The following RTL4 variants were observed in gnomAD, a reference collection of about 807,000 sequenced individuals.
The protein encoded by RTL4 is retrotransposon Gag-like protein 4.
A neutral mutation model predicts 5.3 loss-of-function variants in RTL4; 4 were observed. The observed-to-expected ratio is 0.75, with a 90% CI of 0.37 to 1.72. RTL4 has a LOEUF of 1.72. RTL4 is among the 40% of genes most tolerant of loss of function. The probability of loss-of-function intolerance (pLI) is 0.04; values close to 1 mark genes in which losing one functional copy is unlikely to be tolerated. For synonymous variants in RTL4, 98 were observed against 87.3 expected (o/e 1.12, Z -0.68); for missense variants, 260 against 227.1 (o/e 1.14, Z -0.93).
chrX:112,393,666 A>G, the RTL4 span, among the ~76,000 whole-genome samples: 11 of 112,190 alleles, frequency 9.8e-5, no homozygotes, highest in African/African-American at 3.6e-4. Context: ...AAAGCCTTAA[A>G]GCTGGAATGG....
the RTL4 span, among the ~76,000 whole-genome samples, chrX:112,184,850 A>G: frequency 1.8e-5 from 2 of 112,025 alleles, no homozygotes; most frequent in East Asian, 2.8e-4. Flanking sequence ...CTTTCTCTTC[A>G]TGAATTCCAA....
chrX:112,119,779 C>A, the RTL4 span, among the ~76,000 whole-genome samples: 3 of 111,116 alleles, frequency 2.7e-5, no homozygotes, highest in African/African-American at 9.8e-5. Flanking sequence ...GAGCACCAAC[C>A]AGGGAAAGGA....
At chrX:112,450,539 T>C (rs1926717925), upstream of RTL4, among the ~76,000 whole-genome samples, 1 of 111,483 alleles carries the variant, frequency 9.0e-6, no homozygotes, top group Non-Finnish European at 1.9e-5. Flanking sequence ...CACTGACCTT[T>C]AAAGGAGAAC....
At chrX:112,351,750 C>T in the RTL4 span, among the ~76,000 whole-genome samples, 2 of 110,973 alleles carry the variant, frequency 1.8e-5, no homozygotes, top group East Asian at 2.8e-4. Flanking sequence ...TTATTTTCAG[C>T]CTATGTGTGT....
the RTL4 span, among the ~76,000 whole-genome samples, chrX:112,299,291 A>G: frequency 8.9e-6 from 1 of 111,947 alleles, no homozygotes; most frequent in Non-Finnish European, 1.9e-5. Flanking sequence ...CCACACAAAC[A>G]TTGTTATCTT....
the RTL4 span, chrX:112,381,594 T>C: frequency 8.4e-7 from 1 of 1,191,323 alleles, no homozygotes; most frequent in Middle Eastern, 2.3e-4. Flanking sequence ...AGTAGAGAGA[T>C]TGAGCGAAGA....
the RTL4 span, among the ~76,000 whole-genome samples, chrX:112,174,061 T>C: frequency 9.2e-6 from 1 of 108,996 alleles, no homozygotes; most frequent in Non-Finnish European, 1.9e-5. Flanking sequence ...TTTCTTTTTT[T>C]TTTTTTTGAG....
At chrX:112,433,431 T>C in the RTL4 span, among the ~76,000 whole-genome samples, 1 of 63,038 alleles carries the variant, frequency 1.6e-5, no homozygotes, top group Non-Finnish European at 2.9e-5. Flanking sequence ...GTAGTTCTCC[T>C]TGAAGAGGTC....
At chrX:112,098,552 T>C in the RTL4 span, among the ~76,000 whole-genome samples, 1 of 111,698 alleles carries the variant, frequency 9.0e-6, no homozygotes, top group Non-Finnish European at 1.9e-5. Flanking sequence ...TCCACAATGG[T>C]TGAACTAGTT....
chrX:112,380,384 C>A, the RTL4 span, among the ~76,000 whole-genome samples: 1 of 111,479 alleles, frequency 9.0e-6, no homozygotes, highest in Non-Finnish European at 1.9e-5. Context: ...GATCCCCTAA[C>A]CTCGTGATCT....
chrX:112,273,012 C>G, the RTL4 span, among the ~76,000 whole-genome samples: 1 of 111,289 alleles, frequency 9.0e-6, no homozygotes, highest in Non-Finnish European at 1.9e-5. Flanking sequence ...TATAGACAAT[C>G]ACCATGCGGC....
chrX:112,368,283 G>A, the RTL4 span, among the ~76,000 whole-genome samples: 6 of 110,862 alleles, frequency 5.4e-5, no homozygotes, highest in South Asian at 7.7e-4. Context: ...TTTTGAACAC[G>A]CTGTTGACAG....
the RTL4 span, among the ~76,000 whole-genome samples, chrX:112,275,586 G>A: frequency 9.0e-6 from 1 of 111,421 alleles, no homozygotes; most frequent in Non-Finnish European, 1.9e-5. Context: ...AGGAGAAAAC[G>A]AGTATCAGTC....
At chrX:112,445,564 C>G in the RTL4 span, among the ~76,000 whole-genome samples, 3 of 111,823 alleles carry the variant, frequency 2.7e-5, no homozygotes, top group Non-Finnish European at 5.6e-5. Flanking sequence ...TAAATAAGAA[C>G]TTAAATCCAG....
At chrX:112,321,933 A>G in the RTL4 span, among the ~76,000 whole-genome samples, 1 of 112,167 alleles carries the variant, frequency 8.9e-6, no homozygotes, top group Non-Finnish European at 1.9e-5. Flanking sequence ...CATTTGTACA[A>G]TAAATAAATA....
the RTL4 span, among the ~76,000 whole-genome samples, chrX:112,084,105 C>G: frequency 9.0e-6 from 1 of 110,976 alleles, no homozygotes; most frequent in African/African-American, 3.3e-5. Flanking sequence ...CCCTGGGAGC[C>G]TAAGTGTAAG....
chrX:112,270,598 C>T, the RTL4 span, among the ~76,000 whole-genome samples: 1 of 111,295 alleles, frequency 9.0e-6, no homozygotes, highest in African/African-American at 3.3e-5. Flanking sequence ...ACTGAATTAG[C>T]CTATTATTTC....
At chrX:112,361,685 A>C in the RTL4 span, among the ~76,000 whole-genome samples, 2 of 110,567 alleles carry the variant, frequency 1.8e-5, no homozygotes, top group Non-Finnish European at 3.8e-5. Context: ...ATCTCATGGA[A>C]TGTCCTCCAT....
At chrX:112,266,248 C>T in the RTL4 span, among the ~76,000 whole-genome samples, 4 of 111,355 alleles carry the variant, frequency 3.6e-5, no homozygotes, top group African/African-American at 6.5e-5. Flanking sequence ...CTTCTGCAAT[C>T]CAATACTTTG....
Sources: gnomAD v4.1 joint callset for allele counts (sites outside exome capture counted in the v4.1 genomes callset) on GRCh38, gnomAD v4.1.1 for gene constraint, MANE v1.5 for transcripts, NCBI Gene and HGNC (gene_info 2026-07-23, HGNC 2026-07-21) for gene names.